FAIM2: variants seen among roughly 807,000 people sequenced by gnomAD.
FAIM2 encodes Fas apoptotic inhibitory molecule 2.
In FAIM2, 27 loss-of-function variants were observed where a neutral mutation model predicts 47.4. The ratio of observed to expected loss-of-function variants is 0.57; its 90% CI spans 0.42 to 0.78. The LOEUF (loss-of-function observed/expected upper bound fraction) is 0.78, where lower values mean the gene tolerates loss of function less well. Among genes scored for constraint, FAIM2 ranks in the 30% least tolerant of loss-of-function variants. The probability of loss-of-function intolerance (pLI) is 0.00; values close to 1 mark genes in which losing one functional copy is unlikely to be tolerated. For missense variants in FAIM2, 311 were observed against 389.4 expected (o/e 0.80, Z 1.69); for synonymous variants, 156 against 159.3 (o/e 0.98, Z 0.16).
intron 11 of FAIM2, among the ~76,000 whole-genome samples, chr12:49,872,037 G>C (rs1182991366): frequency 1.3e-5 from 2 of 152,162 alleles, no homozygotes; most frequent in East Asian, 1.9e-4. Context: ...TGTATGAAAG[G>C]CATGTTCCCT....
intron 11 of FAIM2, among the ~76,000 whole-genome samples, chr12:49,878,868 ATGTGAG>A (rs1565613619): frequency 5.4e-5 from 3 of 56,010 alleles, no homozygotes; most frequent in Non-Finnish European, 9.4e-5. Context: ...GTGTCTGTGC[ATGTGAG>A]TGTGTATGCA....
intron 1 of FAIM2, 147 bp from the exon 2 acceptor site, chr12:49,901,472 C>A: frequency 1.7e-6 from 1 of 602,618 alleles, no homozygotes; most frequent in Non-Finnish European, 2.7e-6. Flanking sequence ...AAGAATGTCT[C>A]TATTTTATAG....
At chr12:49,880,494 A>ATGTGTGTGTATGTG (rs1555158553) in intron 11 of FAIM2, among the ~76,000 whole-genome samples, 76 of 138,936 alleles carry the variant, frequency 5.5e-4, no homozygotes, top group African/African-American at 1.9e-3. Flanking sequence ...ATGCATGTGT[A>ATGTGTGTGTATGTG]TGTGTGTGTA....
chr12:49,894,421 A>G (rs1037281419), intron 5 of FAIM2, among the ~76,000 whole-genome samples: 1 of 152,102 alleles, frequency 6.6e-6, no homozygotes, highest in Admixed American at 6.5e-5. Context: ...TCAGACAATA[A>G]GGTGAGAACC....
At chr12:49,877,734 G>C (rs1469363732) in intron 11 of FAIM2, among the ~76,000 whole-genome samples, 1 of 152,128 alleles carries the variant, frequency 6.6e-6, no homozygotes, top group Non-Finnish European at 1.5e-5. Context: ...ATGTGGGTAT[G>C]TGTGTGCCTG....
intron 2 of FAIM2, among the ~76,000 whole-genome samples, chr12:49,899,638 T>G (rs1282573297): frequency 2.0e-5 from 3 of 152,224 alleles, no homozygotes; most frequent in African/African-American, 7.2e-5. Flanking sequence ...CCTTTGGGAC[T>G]CAGTGTGGAT....
At chr12:49,885,764 A>G (rs1946856654) in intron 11 of FAIM2, among the ~76,000 whole-genome samples, 1 of 152,148 alleles carries the variant, frequency 6.6e-6, no homozygotes, top group Admixed American at 6.5e-5. Flanking sequence ...TCAGCCCTCC[A>G]GTTCCAAGCC....
intron 11 of FAIM2, among the ~76,000 whole-genome samples, chr12:49,875,078 T>C (rs1261129646): frequency 6.6e-6 from 1 of 152,280 alleles, no homozygotes; most frequent in East Asian, 1.9e-4. Context: ...AGGGACACGA[T>C]CAAAGTGACA....
Position 49,867,062 on chromosome 12 carries a change from G to C in FAIM2, c.*3442C>G, listed in dbSNP as rs1305653151. ...GCAGCTGGCCTGGGTCCCTGGAGCT[G>C]TGTCTGCCCTCAGGGACTCAGGAGA... On this transcript the variant is annotated 3_prime_UTR_variant, in exon 12 of 12. Coordinates refer to ENST00000320634, the MANE Select transcript of FAIM2 (RefSeq NM_012306.4). 1.3e-5 allele frequency: 2 copies of C among 152,396 alleles called. No homozygotes were observed. The highest frequency in any genetic ancestry group is 2.9e-5 in the Non-Finnish European group (2 of 68,222). The allele number at this position is 152,396 out of a possible 1,614,324, so 9.4% of individuals were successfully genotyped here. A position where few individuals can be genotyped will look rare whatever the true frequency, so the allele number is the denominator to read the frequency against.
intron 10 of FAIM2, among the ~76,000 whole-genome samples, chr12:49,888,454 C>T (rs1191981532): frequency 6.6e-6 from 1 of 152,150 alleles, no homozygotes; most frequent in Non-Finnish European, 1.5e-5. Context: ...CAGCAGCGGT[C>T]CAACAGCTCA....
In FAIM2 at chr12:49,887,380, A is replaced by G. The variant is rs763331101; in HGVS notation, c.801+6T>C. 6.2e-6 allele frequency: 10 copies of G among 1,609,428 alleles called. No homozygotes were observed. In the South Asian group the frequency reaches 1.1e-4, roughly 18 times the overall value. On this transcript the variant is annotated splice_donor_region_variant and intron_variant, in intron 11 of 11. Coordinates refer to ENST00000320634, the MANE Select transcript of FAIM2 (RefSeq NM_012306.4). ...GGAGGCTGCCAAGGAGCTAGACCAC[A>G]CTCACCAATGTAAATACACCCGCTC...
intron 11 of FAIM2, among the ~76,000 whole-genome samples, chr12:49,881,883 C>T (rs1010551543): frequency 2.6e-5 from 4 of 152,360 alleles, no homozygotes; most frequent in African/African-American, 7.2e-5. Context: ...TGAGACGCCT[C>T]GCCTGCCACC....
chr12:49,892,501 C>T (rs75298656), intron 5 of FAIM2, among the ~76,000 whole-genome samples: 1,908 of 152,316 alleles, frequency 0.013, 31 homozygotes, highest in African/African-American at 0.043. Flanking sequence ...GGCTCTGCCA[C>T]ATCACAGGAC....
chr12:49,879,469 CATGTGTATGTGCATGTGAGTGTAT>C (rs201121763), intron 11 of FAIM2, among the ~76,000 whole-genome samples: 113,951 of 149,424 alleles, frequency 0.76, 43,777 homozygotes, highest in African/African-American at 0.86. Context: ...TGTATATGTG[CATGTGTATGTGCATGTGAGTGTAT>C]GTGTGTATAT....
At chr12:49,899,617 C>T (rs1262162548) in intron 2 of FAIM2, among the ~76,000 whole-genome samples, 1 of 152,226 alleles carries the variant, frequency 6.6e-6, no homozygotes, top group Non-Finnish European at 1.5e-5. Flanking sequence ...ACCAGACTAA[C>T]TCATGCCTAT....
intron 11 of FAIM2, among the ~76,000 whole-genome samples, chr12:49,876,485 T>C (rs1466270537): frequency 6.6e-6 from 1 of 152,120 alleles, no homozygotes; most frequent in Non-Finnish European, 1.5e-5. Context: ...AAAGCTGGGC[T>C]GGGTGCGGTG....
At chr12:49,888,565 T>C (rs1009297619) in intron 10 of FAIM2, among the ~76,000 whole-genome samples, 3 of 152,108 alleles carry the variant, frequency 2.0e-5, no homozygotes, top group Admixed American at 6.5e-5. Context: ...AGAGTCTCAG[T>C]TGGATTCCCC....
intron 2 of FAIM2, 56 bp from the exon 3 acceptor site, chr12:49,898,146 T>C: frequency 1.6e-6 from 2 of 1,251,276 alleles, no homozygotes; most frequent in East Asian, 5.1e-5. Flanking sequence ...AGAATTACTG[T>C]CCCCAACAGC....
In FAIM2 at chr12:49,900,173, T is replaced by C. The variant is rs556013144; in HGVS notation, c.211+957A>G. The C allele has an allele frequency of 2.8e-5, 36 of 1,284,200 alleles. 1 individual carries two copies. The East Asian group carries it at 4.5e-4, about 16-fold the overall frequency. The allele number at this position is 1,284,200 out of a possible 1,614,324, so 79.6% of individuals were successfully genotyped here. On this transcript the variant is annotated intron_variant, in intron 2 of 11. Coordinates refer to ENST00000320634, the MANE Select transcript of FAIM2 (RefSeq NM_012306.4). ...CACCAGACCTTCATTGACCCTCCAG[T>C]AGGTCACGGTGGGGTGAGTCTTCAG... is the stretch of plus-strand genomic sequence containing the variant.
Sources: gnomAD v4.1 joint callset for allele counts (sites outside exome capture counted in the v4.1 genomes callset) on GRCh38, gnomAD v4.1.1 for gene constraint, MANE v1.5 for transcripts, NCBI Gene and HGNC (gene_info 2026-07-23, HGNC 2026-07-21) for gene names.